Variants in RPS6KA5 observed in about 807,000 individuals in gnomAD.
RPS6KA5 encodes the protein ribosomal protein S6 kinase alpha-5.
RPS6KA5 carries 27 observed loss-of-function variants against 85.5 expected under a neutral mutation model. The ratio of observed to expected loss-of-function variants is 0.32; its 90% CI spans 0.23 to 0.44. The LOEUF is 0.44. Ranked by LOEUF, RPS6KA5 falls within the 20% of genes least tolerant of loss-of-function variation. The pLI, the probability that RPS6KA5 is intolerant of heterozygous loss-of-function variation, is 1.00. For synonymous variants in RPS6KA5, 334 were observed against 348.2 expected (o/e 0.96, Z 0.46); for missense variants, 811 against 980.9 (o/e 0.83, Z 2.31).
At chr14:91,025,364 C>G (rs1383290372) in intron 1 of RPS6KA5, among the ~76,000 whole-genome samples, 1 of 152,140 alleles carries the variant, frequency 6.6e-6, no homozygotes, top group African/African-American at 2.4e-5. Context: ...CATTGAGTCT[C>G]TTAAGTTTCC....
At chr14:90,922,503 C>CA (rs1368197811) in intron 6 of RPS6KA5, among the ~76,000 whole-genome samples, 1 of 152,214 alleles carries the variant, frequency 6.6e-6, no homozygotes, top group East Asian at 1.9e-4. Context: ...GGCTGGAGTG[C>CA]AATGGCACAA....
chr14:90,886,398 T>G (rs888367140), intron 14 of RPS6KA5, among the ~76,000 whole-genome samples: 5 of 152,230 alleles, frequency 3.3e-5, no homozygotes, highest in Admixed American at 1.3e-4. Context: ...ACTGAATGTT[T>G]GTGTTCTCCT....
chr14:90,911,757 T>C (rs1037531960), intron 7 of RPS6KA5, among the ~76,000 whole-genome samples: 2 of 152,196 alleles, frequency 1.3e-5, no homozygotes, highest in Non-Finnish European at 2.9e-5. Flanking sequence ...TACAACATTA[T>C]ACAAGTAAAA....
At chr14:91,034,969 TG>T (rs1215415030) in intron 1 of RPS6KA5, among the ~76,000 whole-genome samples, 2 of 151,486 alleles carry the variant, frequency 1.3e-5, no homozygotes, top group African/African-American at 4.9e-5. Flanking sequence ...CACAATTTGA[TG>T]GGGGGAGGGG....
intron 3 of RPS6KA5, among the ~76,000 whole-genome samples, chr14:90,954,695 T>G (rs140397490): frequency 0.013 from 2,029 of 152,304 alleles, 56 homozygotes; most frequent in African/African-American, 0.046. Flanking sequence ...ATTGCAGGCA[T>G]GAGCCACCGT....
chr14:91,053,942 A>G lies in RPS6KA5; in HGVS notation c.103+6390T>C, dbSNP rs2043200112. Among the ~76,000 whole-genome samples the G allele has an allele frequency of 1.3e-5, 2 of 152,250 alleles. 1 individual carries two copies. The highest frequency in any genetic ancestry group is 1.3e-4 in the Admixed American group (2 of 15,292). On this transcript the variant is annotated intron_variant, in intron 1 of 16. Coordinates refer to ENST00000614987, the MANE Select transcript of RPS6KA5 (RefSeq NM_004755.4). ...ACACTTCTCAATTTCAAAACTTACT[A>G]AAAAACTGTAGTAGTCAAGACAGCA...
chr14:91,007,115 G>A (rs1348810023), intron 1 of RPS6KA5, among the ~76,000 whole-genome samples: 2 of 152,198 alleles, frequency 1.3e-5, no homozygotes, highest in African/African-American at 4.8e-5. Context: ...TGAGGGAAAA[G>A]AGGGGCCTGG....
At chr14:91,060,063 C>G (rs1880982546) in intron 1 of RPS6KA5, 1 of 985,288 alleles carries the variant, frequency 1.0e-6, no homozygotes, top group African/African-American at 1.7e-5. Context: ...GTGCGTGCCA[C>G]GGGCAGCGGT....
chr14:90,908,394 T>C (rs960657003), intron 7 of RPS6KA5, among the ~76,000 whole-genome samples: 5 of 152,170 alleles, frequency 3.3e-5, no homozygotes, highest in African/African-American at 1.2e-4. Context: ...ACCCCTCCCA[T>C]TCCTGAGTGA....
chr14:90,951,537 C>G (rs2038190015), intron 3 of RPS6KA5, among the ~76,000 whole-genome samples: 1 of 152,012 alleles, frequency 6.6e-6, no homozygotes, highest in South Asian at 2.1e-4. Context: ...ATTTTGAGCG[C>G]CCATCTAAAA....
chr14:91,048,745 A>C (rs545090029), intron 1 of RPS6KA5, among the ~76,000 whole-genome samples: 39 of 152,338 alleles, frequency 2.6e-4, no homozygotes, highest in African/African-American at 9.4e-4. Flanking sequence ...GTAAATCATG[A>C]TGGGAGCTCA....
At chr14:90,962,274 A>C (rs2038838214) in intron 3 of RPS6KA5, among the ~76,000 whole-genome samples, 1 of 148,710 alleles carries the variant, frequency 6.7e-6, no homozygotes, top group Admixed American at 6.8e-5. Flanking sequence ...TTTTTTCCTA[A>C]GGGTTTTTTT....
chr14:90,885,766 A>AAAAAAAAG (rs2034175571), intron 14 of RPS6KA5, among the ~76,000 whole-genome samples: 13 of 144,994 alleles, frequency 9.0e-5, no homozygotes, highest in African/African-American at 3.3e-4. Context: ...AAAAAAAAAA[A>AAAAAAAAG]AAAAAAAGAA....
intron 1 of RPS6KA5, among the ~76,000 whole-genome samples, chr14:91,045,322 C>A (rs780990794): frequency 6.8e-6 from 1 of 146,268 alleles, no homozygotes; most frequent in African/African-American, 2.5e-5. Context: ...GTGCAATCAA[C>A]GGCGTGATCT....
chr14:90,932,781 G>A (rs2037053999), intron 5 of RPS6KA5, among the ~76,000 whole-genome samples: 1 of 152,168 alleles, frequency 6.6e-6, no homozygotes, highest in Admixed American at 6.5e-5. Context: ...CCTTCTCAAG[G>A]ACAGTGTTCC....
chr14:90,947,725 C>T (rs934843677), intron 3 of RPS6KA5, among the ~76,000 whole-genome samples, 175 bp from the exon 4 acceptor site: 4 of 152,088 alleles, frequency 2.6e-5, no homozygotes, highest in Admixed American at 6.6e-5. Context: ...AATACAGTTT[C>T]GCAAAATAAT....
chr14:91,049,367 C>T lies in RPS6KA5; in HGVS notation c.103+10965G>A, dbSNP rs950223758. 3.9e-5 allele frequency among the ~76,000 whole-genome samples: 6 copies of T among 152,174 alleles called. No homozygotes were observed. The East Asian group carries it at 1.2e-3, about 29-fold the overall frequency. ...CGGTGGCTCACGCCTGTAATCCCAC[C>T]ACTTTGGGAGGCTGAGGTGGGTGGA... On this transcript the variant is annotated intron_variant, in intron 1 of 16. Coordinates refer to ENST00000614987, the MANE Select transcript of RPS6KA5 (RefSeq NM_004755.4).
At chr14:90,907,490 A>G (rs1428607921) in intron 7 of RPS6KA5, among the ~76,000 whole-genome samples, 1 of 152,222 alleles carries the variant, frequency 6.6e-6, no homozygotes, top group Non-Finnish European at 1.5e-5. Context: ...CAAATGCTCA[A>G]TCAATGTGAG....
At chr14:90,981,284 T>C (rs896014295) in intron 2 of RPS6KA5, among the ~76,000 whole-genome samples, 2 of 152,246 alleles carry the variant, frequency 1.3e-5, no homozygotes, top group African/African-American at 2.4e-5. Context: ...TAAGATAATC[T>C]TTTAAATATT....
Sources: gnomAD v4.1 joint callset for allele counts (sites outside exome capture counted in the v4.1 genomes callset) on GRCh38, gnomAD v4.1.1 for gene constraint, MANE v1.5 for transcripts, NCBI Gene and HGNC (gene_info 2026-07-23, HGNC 2026-07-21) for gene names.